Variants in GRM8 observed in about 807,000 individuals in gnomAD.
The protein encoded by GRM8 is metabotropic glutamate receptor 8.
In GRM8, 47 loss-of-function variants were observed where a neutral mutation model predicts 87.2. The observed-to-expected ratio is 0.54, with a 90% CI of 0.43 to 0.69. GRM8 has a LOEUF of 0.69. Ranked by LOEUF, GRM8 falls within the 30% of genes least tolerant of loss-of-function variation. The pLI is 0.00. For missense variants in GRM8, 1,019 were observed against 1,139.2 expected (o/e 0.89, Z 1.52); for synonymous variants, 396 against 404.5 (o/e 0.98, Z 0.25).
chr7:126,681,640 T>C (rs1254860883), intron 7 of GRM8, among the ~76,000 whole-genome samples: 4 of 152,224 alleles, frequency 2.6e-5, no homozygotes, highest in Non-Finnish European at 5.9e-5. Context: ...AGCAGGGACT[T>C]TGTCTCATTC....
intron 2 of GRM8, among the ~76,000 whole-genome samples, chr7:127,108,426 A>G (rs142564769): frequency 1.8e-4 from 27 of 152,258 alleles, no homozygotes; most frequent in African/African-American, 6.5e-4. Context: ...AAGAAATTAT[A>G]TGTATGTGCG....
At chr7:127,219,337 G>A (rs1796771487) in intron 2 of GRM8, 2 of 152,164 alleles carry the variant, frequency 1.3e-5, no homozygotes, top group South Asian at 4.1e-4. Context: ...TGTCTTTCAT[G>A]ACAGAAATTA....
At chr7:126,635,493 TAG>T (rs1476918177) in intron 7 of GRM8, among the ~76,000 whole-genome samples, 1 of 152,170 alleles carries the variant, frequency 6.6e-6, no homozygotes, top group African/African-American at 2.4e-5. Flanking sequence ...CCTAACTTTA[TAG>T]AGTTTTAATG....
chr7:127,068,293 A>G (rs1036580897), intron 3 of GRM8, among the ~76,000 whole-genome samples: 5 of 152,216 alleles, frequency 3.3e-5, no homozygotes, highest in Admixed American at 1.3e-4. Flanking sequence ...TCCCTCATCA[A>G]TAGCCAGAGT....
chr7:127,219,953 C>A (rs183492496), intron 2 of GRM8, among the ~76,000 whole-genome samples: 13 of 152,302 alleles, frequency 8.5e-5, no homozygotes, highest in African/African-American at 2.9e-4. Context: ...AGCAAACAAG[C>A]ACCTCACTCC....
At chr7:127,232,958 C>T (rs1351701685) in intron 2 of GRM8, among the ~76,000 whole-genome samples, 1 of 152,064 alleles carries the variant, frequency 6.6e-6, no homozygotes, top group African/African-American at 2.4e-5. Context: ...CTGCCTCAGC[C>T]TCCTGAGTAG....
Position 126,825,464 on chromosome 7 carries a change from T to A in GRM8, c.1157-55399A>T, listed in dbSNP as rs145750844. Among the ~76,000 whole-genome samples, 486 of 152,304 alleles carry A rather than the reference T, an allele frequency of 3.2e-3. 6 individuals carry two copies. The highest frequency in any genetic ancestry group is 0.011 in the African/African-American group (462 of 41,562). On this transcript the variant is annotated intron_variant, in intron 6 of 10. Transcript: ENST00000339582. ...ACTAACAATGAGGAAATCTAAGGTG[T>A]AGAGACATTAAATGACTTGCTCAGG... is the stretch of plus-strand genomic sequence containing the variant.
intron 8 of GRM8, among the ~76,000 whole-genome samples, chr7:126,560,120 T>C (rs1194753912): frequency 6.6e-6 from 1 of 152,228 alleles, no homozygotes; most frequent in East Asian, 1.9e-4. Context: ...TTTAAAGGCA[T>C]GACCGATTTT....
At chr7:126,874,253 T>A (rs1283645328) in intron 6 of GRM8, among the ~76,000 whole-genome samples, 1 of 152,074 alleles carries the variant, frequency 6.6e-6, no homozygotes, top group Admixed American at 6.6e-5. Flanking sequence ...GGTGCATGAC[T>A]GGGGTAAAAT....
intron 8 of GRM8, among the ~76,000 whole-genome samples, chr7:126,600,287 T>G (rs1174463377): frequency 6.6e-6 from 1 of 152,156 alleles, no homozygotes; most frequent in Non-Finnish European, 1.5e-5. Flanking sequence ...ATGGGTCTAC[T>G]TCTACATTGG....
At chr7:126,603,763 A>G (rs1798064870) in intron 8 of GRM8, among the ~76,000 whole-genome samples, 1 of 152,064 alleles carries the variant, frequency 6.6e-6, no homozygotes, top group South Asian at 2.1e-4. Context: ...GTTTGTGTAT[A>G]TATGTATCAT....
chr7:126,959,063 A>C (rs1390394493), intron 3 of GRM8, among the ~76,000 whole-genome samples: 1 of 152,232 alleles, frequency 6.6e-6, no homozygotes, highest in Non-Finnish European at 1.5e-5. Flanking sequence ...CTGGAAGATA[A>C]AAGGAGATGA....
At chr7:127,138,824 C>G (rs766213514) in intron 2 of GRM8, among the ~76,000 whole-genome samples, 4 of 152,096 alleles carry the variant, frequency 2.6e-5, no homozygotes, top group African/African-American at 4.8e-5. Context: ...CTCACCCTCT[C>G]TATCTTAAAC....
At chr7:126,499,406 G>T (rs1401960436) in intron 9 of GRM8, among the ~76,000 whole-genome samples, 2 of 140,334 alleles carry the variant, frequency 1.4e-5, no homozygotes, top group Non-Finnish European at 1.6e-5. Context: ...TAGTATAGAG[G>T]TTCCTCCAAA....
chr7:126,858,260 T>C (rs943139569), intron 6 of GRM8, among the ~76,000 whole-genome samples: 5 of 152,162 alleles, frequency 3.3e-5, no homozygotes, highest in Admixed American at 1.3e-4. Context: ...CAGTCCCTTT[T>C]CCAAGGATCA....
chr7:127,159,101 C>T (rs575460346), intron 2 of GRM8, among the ~76,000 whole-genome samples: 15 of 152,344 alleles, frequency 9.8e-5, no homozygotes, highest in African/African-American at 3.4e-4. Context: ...GTGGTTACAG[C>T]TGCTCAGTGG....
intron 3 of GRM8, among the ~76,000 whole-genome samples, chr7:127,009,430 G>A (rs1814652465): frequency 6.6e-6 from 1 of 151,896 alleles, no homozygotes; most frequent in Non-Finnish European, 1.5e-5. Context: ...TAACTATGTG[G>A]GCACTTCCTA....
intron 7 of GRM8, among the ~76,000 whole-genome samples, chr7:126,622,753 T>C (rs958995842): frequency 2.0e-5 from 3 of 152,162 alleles, no homozygotes; most frequent in African/African-American, 7.2e-5. Flanking sequence ...CGTTACTCTA[T>C]CCCCACAGAC....
intron 7 of GRM8, among the ~76,000 whole-genome samples, chr7:126,721,508 T>A (rs1196003579): frequency 6.6e-6 from 1 of 152,208 alleles, no homozygotes; most frequent in Admixed American, 6.5e-5. Context: ...CAACACTTAT[T>A]GTGAAATTTC....
Sources: gnomAD v4.1 joint callset for allele counts (sites outside exome capture counted in the v4.1 genomes callset) on GRCh38, gnomAD v4.1.1 for gene constraint, MANE v1.5 for transcripts, NCBI Gene and HGNC (gene_info 2026-07-23, HGNC 2026-07-21) for gene names.